The following RPTOR variants were observed in gnomAD, a reference collection of about 807,000 sequenced individuals.
The protein encoded by RPTOR is regulatory associated protein of MTOR complex 1, also known as regulatory-associated protein of mTOR.
RPTOR carries 21 observed loss-of-function variants against 169.9 expected under a neutral mutation model. That is an observed-to-expected ratio of 0.12 (90% CI 0.09 to 0.18). The LOEUF (loss-of-function observed/expected upper bound fraction) is 0.18. RPTOR is among the 10% of genes least tolerant of loss of function. The pLI, the probability that RPTOR is intolerant of heterozygous loss-of-function variation, is 1.00. For synonymous variants in RPTOR, 732 were observed against 753.2 expected (o/e 0.97, Z 0.46); for missense variants, 1,133 against 1,855.9 (o/e 0.61, Z 7.16).
intron 3 of RPTOR, among the ~76,000 whole-genome samples, chr17:80,672,122 A>G (rs2065826387): frequency 6.6e-6 from 1 of 152,192 alleles, no homozygotes; most frequent in Non-Finnish European, 1.5e-5. Flanking sequence ...CGGATACTGG[A>G]GAGGAACAGT....
intron 6 of RPTOR, among the ~76,000 whole-genome samples, chr17:80,781,447 C>T (rs921703027): frequency 2.0e-5 from 3 of 151,996 alleles, no homozygotes; most frequent in Admixed American, 1.3e-4. Context: ...CTGGTGCTGC[C>T]GAAAAGGAAC....
intron 11 of RPTOR, among the ~76,000 whole-genome samples, chr17:80,853,771 G>A (rs1045590341): frequency 6.6e-6 from 1 of 152,208 alleles, no homozygotes; most frequent in Non-Finnish European, 1.5e-5. Flanking sequence ...AAGGTCAGGA[G>A]ATCAAGACCA....
At chr17:80,682,272 T>C (rs1029662761) in intron 3 of RPTOR, among the ~76,000 whole-genome samples, 3 of 151,920 alleles carry the variant, frequency 2.0e-5, no homozygotes, top group African/African-American at 7.3e-5. Context: ...CCCAGCTAAT[T>C]GTTAAATTTT....
At chr17:80,771,413 C>T (rs935281342) in intron 6 of RPTOR, among the ~76,000 whole-genome samples, 2 of 152,184 alleles carry the variant, frequency 1.3e-5, no homozygotes, top group Non-Finnish European at 2.9e-5. Flanking sequence ...AGAGGGCACT[C>T]CCGCCGCCCG....
chr17:80,755,058 C>T (rs113469189), intron 6 of RPTOR, among the ~76,000 whole-genome samples: 124 of 152,326 alleles, frequency 8.1e-4, no homozygotes, highest in African/African-American at 2.4e-3. Flanking sequence ...CCCCCAGGGA[C>T]ACCCTGGGAG....
Position 80,707,284 on chromosome 17 carries a change from T to C in RPTOR, c.349-557T>C, listed in dbSNP as rs12601001. Among the ~76,000 whole-genome samples the C allele has an allele frequency of 0.18, 27,167 of 152,292 alleles. 2,867 individuals are homozygous for C. Among genetic ancestry groups the C allele is most frequent in the East Asian group, 0.24 (1,259 of 5,182 alleles). On this transcript the variant is annotated intron_variant, in intron 3 of 33. Coordinates refer to ENST00000306801, the MANE Select transcript of RPTOR (RefSeq NM_020761.3). This position sits in a 1 kb window ranked among gnomAD's most constrained non-coding sequence, Gnocchi z 5.0. ...TTGGTACCCCAGTGGCAGCTGCGTTTGCCTTGGTGTTGCCATGTGACAGGC... is the reference window on the plus strand; with the variant it reads ...TTGGTACCCCAGTGGCAGCTGCGTTCGCCTTGGTGTTGCCATGTGACAGGC...
At chr17:80,662,404 G>A (rs1197055124) in intron 3 of RPTOR, among the ~76,000 whole-genome samples, 2 of 152,114 alleles carry the variant, frequency 1.3e-5, no homozygotes, top group African/African-American at 2.4e-5. Flanking sequence ...ACTCAAATCA[G>A]CCCCTCTGAG....
At chr17:80,613,503 G>A (rs1309498850) in intron 1 of RPTOR, among the ~76,000 whole-genome samples, 2 of 152,226 alleles carry the variant, frequency 1.3e-5, no homozygotes, top group African/African-American at 4.8e-5. Context: ...CTTATATTTA[G>A]TATGTAGTAA....
At chr17:80,549,772 G>A (rs910613784) in intron 1 of RPTOR, among the ~76,000 whole-genome samples, 1 of 152,180 alleles carries the variant, frequency 6.6e-6, no homozygotes, top group Non-Finnish European at 1.5e-5. Flanking sequence ...GACATGCTAT[G>A]TCTACACACA....
At chr17:80,557,262 C>CT (rs1390629395) in intron 1 of RPTOR, among the ~76,000 whole-genome samples, 10 of 152,032 alleles carry the variant, frequency 6.6e-5, no homozygotes, top group Non-Finnish European at 1.5e-4. Flanking sequence ...ATTCAAATGA[C>CT]TTTAAAAAGG....
At chr17:80,956,862 G>A (rs971990071) in intron 28 of RPTOR, among the ~76,000 whole-genome samples, 8 of 151,990 alleles carry the variant, frequency 5.3e-5, no homozygotes, top group Non-Finnish European at 1.0e-4. Flanking sequence ...GCTCTGCTCC[G>A]ATGTTCCTGG....
chr17:80,921,367 C>T (rs761631281), intron 21 of RPTOR, among the ~76,000 whole-genome samples: 1 of 152,172 alleles, frequency 6.6e-6, no homozygotes, highest in Non-Finnish European at 1.5e-5. Flanking sequence ...CCATCAGGCC[C>T]CTTCTGAACG....
rs902309227 is a variant in RPTOR at position 80,708,648 on chromosome 17, G to A, written c.507+649G>A. On this transcript the variant is annotated intron_variant, in intron 4 of 33. Coordinates refer to ENST00000306801, the MANE Select transcript of RPTOR (RefSeq NM_020761.3). This position sits in a 1 kb window ranked among gnomAD's most constrained non-coding sequence, Gnocchi z 4.2. ...GTCTCCTCATCCTCCAGGGTGTGGT[G>A]GGTGCTGACTGTTGTCCCCACCCTC... 3.2e-5 allele frequency among the ~76,000 whole-genome samples: 4 copies of A among 125,456 alleles called. No homozygotes were observed. Among genetic ancestry groups the A allele is most frequent in the Non-Finnish European group, 6.5e-5 (4 of 61,216 alleles). 82.3% of individuals were successfully genotyped at this position (125,456 alleles called of 152,430 possible).
chr17:80,840,852 A>T (rs1431176632), intron 10 of RPTOR, among the ~76,000 whole-genome samples: 125 of 20,524 alleles, frequency 6.1e-3, no homozygotes, highest in East Asian at 8.7e-3. Context: ...GGCAGCTCAC[A>T]CTCACCACAC....
intron 4 of RPTOR, among the ~76,000 whole-genome samples, chr17:80,717,775 G>A (rs1298066569): frequency 2.6e-5 from 4 of 152,182 alleles, no homozygotes; most frequent in Admixed American, 6.5e-5. Context: ...TGTTTTCTCA[G>A]CCTCAGCAGA....
In RPTOR at chr17:80,883,837, G is replaced by A. The variant is rs7210571; in HGVS notation, c.1707G>A (p.Pro569=). Residue 569 remains proline, a synonymous_variant, in exon 16 of 34, where the codon CCG becomes CCA. Transcript: ENST00000306801. Reference sequence around the variant, plus strand: ...TCTGCCTGGAGCAGCTCAACGACCCGCACCCCTTGCTGCGCCAGTGGGTGG... The same window carrying A: ...TCTGCCTGGAGCAGCTCAACGACCCACACCCCTTGCTGCGCCAGTGGGTGG... The part of the protein sequence containing the change: ...IAICLEQLND[P]HPLLRQWVAI... 1.1e-4 allele frequency: 177 copies of A among 1,613,612 alleles called. 1 individual carries two copies. The African/African-American group carries it at 1.6e-3, about 14-fold the overall frequency.
chr17:80,964,163 C>A, intron 33 of RPTOR, 99 bp from the exon 34 acceptor site: 1 of 1,042,470 alleles, frequency 9.6e-7, no homozygotes, highest in Non-Finnish European at 1.5e-6. Flanking sequence ...GAGACCCCGG[C>A]AGGAGCTGCC....
chr17:80,881,603 G>C (rs1358282782), intron 14 of RPTOR, among the ~76,000 whole-genome samples: 4 of 152,254 alleles, frequency 2.6e-5, no homozygotes, highest in Admixed American at 6.5e-5. Flanking sequence ...CAGACTGCTT[G>C]AGCTCGGGAG....
intron 24 of RPTOR, among the ~76,000 whole-genome samples, chr17:80,940,164 T>A (rs2069006066): frequency 6.8e-6 from 1 of 147,332 alleles, no homozygotes; most frequent in Non-Finnish European, 1.5e-5. Context: ...ATCCGCAGAT[T>A]CAACCAATTT....
Sources: allele counts gnomAD v4.1 joint callset (sites outside exome capture counted in the v4.1 genomes callset), GRCh38; gene constraint gnomAD v4.1.1; non-coding constraint Gnocchi (gnomAD v3.1); transcripts MANE v1.5; gene names NCBI Gene and HGNC (gene_info 2026-07-23, HGNC 2026-07-21).